Variants in RASD2 observed in about 807,000 individuals in gnomAD.
RASD2 encodes the protein RASD family member 2, also known as GTP-binding protein Rhes.
In RASD2, 7 loss-of-function variants were observed where a neutral mutation model predicts 15.8. That is an observed-to-expected ratio of 0.44 (90% CI 0.25 to 0.83). The LOEUF (loss-of-function observed/expected upper bound fraction) is 0.83, where lower values mean the gene tolerates loss of function less well. Ranked by LOEUF, RASD2 falls within the 40% of genes least tolerant of loss-of-function variation. The pLI is 0.20. For synonymous variants in RASD2, 155 were observed against 153.6 expected, an observed-to-expected ratio of 1.01 and a Z score of -0.07; for missense variants, 274 against 382.8, an observed-to-expected ratio of 0.72 and a Z score of 2.37.
At chr22:35,546,769 C>T in intron 1 of RASD2, 32 bp from the exon 2 acceptor site, 8 of 1,600,060 alleles carry the variant, frequency 5.0e-6, no homozygotes, top group Non-Finnish European at 6.0e-6. Context: ...GTCGGGGGGG[C>T]CCTGATGCCT....
intron 2 of RASD2, among the ~76,000 whole-genome samples, chr22:35,548,628 T>C (rs1601816151): frequency 6.6e-6 from 1 of 152,144 alleles, no homozygotes; most frequent in Admixed American, 6.5e-5. Context: ...GGCTGCGGGG[T>C]GGCCCCTCCT....
rs554548205 is a variant in RASD2, at chr22:35,548,506, G to T, written c.271+1426G>T. ...TTGCTGAGCAGGGATAAGGGAAGGA[G>T]TGAGCAGGCAACTCTCTAGGCATCA... is the stretch of plus-strand genomic sequence containing the variant. On this transcript the variant is annotated intron_variant, in intron 2 of 2. Coordinates refer to ENST00000216127, the MANE Select transcript of RASD2 (RefSeq NM_014310.4). Among the ~76,000 whole-genome samples, 41 of 152,318 alleles carry T rather than the reference G, an allele frequency of 2.7e-4. 1 individual carries two copies. The highest frequency in any genetic ancestry group is 2.2e-3 in the Admixed American group (33 of 15,304).
At chr22:35,534,149 A>G in the RASD2 span, among the ~76,000 whole-genome samples, 2 of 152,234 alleles carry the variant, frequency 1.3e-5, no homozygotes, top group African/African-American at 2.4e-5. Context: ...GCCTCTAACT[A>G]GTCAAGTGAC....
chr22:35,549,529 A>G (rs1224981892), intron 2 of RASD2, among the ~76,000 whole-genome samples: 7 of 152,144 alleles, frequency 4.6e-5, no homozygotes, highest in Non-Finnish European at 7.3e-5. Context: ...GGGGCCCCGG[A>G]TTAGCCTAAC....
At chr22:35,540,328 C>A (rs1281148974), upstream of RASD2, among the ~76,000 whole-genome samples, 4 of 150,932 alleles carry the variant, frequency 2.7e-5, no homozygotes, top group East Asian at 1.9e-4. Flanking sequence ...GCGCGCCCAG[C>A]GGCCCCGGCC....
At chr22:35,549,283 C>T (rs532465985) in intron 2 of RASD2, among the ~76,000 whole-genome samples, 5 of 152,272 alleles carry the variant, frequency 3.3e-5, no homozygotes, top group South Asian at 4.1e-4. Flanking sequence ...TTTTTTATGG[C>T]GCATATCATT....
At chr22:35,545,167 G>A (rs1934462539) in intron 1 of RASD2, among the ~76,000 whole-genome samples, 1 of 152,232 alleles carries the variant, frequency 6.6e-6, no homozygotes, top group South Asian at 2.1e-4. Flanking sequence ...ATTTTTGAGA[G>A]CCGGTTTCCT....
At chr22:35,540,331 C>T (rs925427658), upstream of RASD2, among the ~76,000 whole-genome samples, 2 of 150,928 alleles carry the variant, frequency 1.3e-5, no homozygotes, top group Non-Finnish European at 3.0e-5. Context: ...CGCCCAGCGG[C>T]CCCGGCCCCA....
rs1426065594 is a variant in RASD2 at position 35,551,128 on chromosome 22, G to T, written c.272-375G>T. The stretch of plus-strand genomic sequence containing the variant: ...ACTAGGCATTGAGCAAGACAGGCAG[G>T]ACCCCTGCTCTCATAGAAATGATTT... On this transcript the variant is annotated intron_variant, in intron 2 of 2. Transcript: ENST00000216127. The surrounding 1 kb of genome is among the most constrained non-coding windows in gnomAD (Gnocchi z 4.9). Among the ~76,000 whole-genome samples, 8 of 152,206 alleles carry T rather than the reference G, an allele frequency of 5.3e-5. No individual in the cohort carries two copies. Among genetic ancestry groups the T allele is most frequent in the South Asian group, 2.1e-4 (1 of 4,834 alleles).
rs1236668650 is a variant in RASD2 at position 35,551,585 on chromosome 22, G to A, written c.354G>A (p.Glu118=). 1.2e-6 allele frequency: 2 copies of A among 1,614,144 alleles called. No individual in the cohort carries two copies. The highest frequency in any genetic ancestry group is 3.3e-5 in the Admixed American group (2 of 60,026). ...EVKRLQKQIL[E]VKSCLKNKTK... ...AGCGCCTTCAGAAGCAGATCCTGGAGGTCAAGTCCTGCCTGAAGAACAAGA... is the reference window on the plus strand; with the variant it reads ...AGCGCCTTCAGAAGCAGATCCTGGAAGTCAAGTCCTGCCTGAAGAACAAGA... Residue 118 remains glutamate, a synonymous_variant, in exon 3 of 3, where the codon GAG becomes GAA. Transcript: ENST00000216127. This position sits in a 1 kb window ranked among gnomAD's most constrained non-coding sequence, Gnocchi z 4.9.
chr22:35,533,804 G>A, the RASD2 span, among the ~76,000 whole-genome samples: 11 of 145,594 alleles, frequency 7.6e-5, no homozygotes, highest in African/African-American at 2.3e-4. Context: ...TGATGACAGT[G>A]ATGATTGTGA....
chr22:35,539,005 A>G (rs1934284839), upstream of RASD2, among the ~76,000 whole-genome samples: 1 of 152,210 alleles, frequency 6.6e-6, no homozygotes, highest in South Asian at 2.1e-4. Flanking sequence ...ACATCCCCTT[A>G]GCCCCTCTGT....
upstream of RASD2, among the ~76,000 whole-genome samples, chr22:35,535,953 G>C (rs9622220): frequency 0.092 from 14,009 of 152,136 alleles, 783 homozygotes; most frequent in Admixed American, 0.16. Flanking sequence ...CAGATGCACC[G>C]GGGGCAGGGT....
chr22:35,543,012 T>G (rs1447942357), intron 1 of RASD2, among the ~76,000 whole-genome samples: 1 of 152,168 alleles, frequency 6.6e-6, no homozygotes, highest in African/African-American at 2.4e-5. Context: ...CAGTTTTGGC[T>G]GGGGGTGGGT....
rs1269670726 is a variant in RASD2, at chr22:35,552,217, C to T, written c.*185C>T. 4 of 723,076 alleles carry T rather than the reference C, an allele frequency of 5.5e-6. No individual in the cohort carries two copies. The highest frequency in any genetic ancestry group is 1.8e-5 in the African/African-American group (1 of 56,242). The allele number at this position is 723,076 out of a possible 1,614,324, so 44.8% of individuals were successfully genotyped here. On this transcript the variant is annotated 3_prime_UTR_variant, in exon 3 of 3. Transcript: ENST00000216127. ...TGCCTTCTCACAGCTTTCCTGAGTC[C>T]GCTTGTCCACAGCTCCTTGGTGGTT...
At position 35,546,996 on chromosome 22, in the gene RASD2, C is replaced by T. The variant is rs1169424758; in HGVS notation, c.187C>T (p.Arg63Cys). The change falls in exon 2 of 3, where the codon CGC becomes TGC. Residue 63 changes from arginine to cysteine, a missense_variant. By Grantham distance (180) the Arg-to-Cys change is radical. Coordinates refer to ENST00000216127, the MANE Select transcript of RASD2 (RefSeq NM_014310.4). ...EDFHRKVYNIRGDMYQLDILD... is the reference protein window; with the variant it reads ...EDFHRKVYNICGDMYQLDILD... ...CTTCCACCGTAAGGTATACAACATCCGCGGCGACATGTACCAGCTCGACAT... is the reference window on the plus strand; with the variant it reads ...CTTCCACCGTAAGGTATACAACATCTGCGGCGACATGTACCAGCTCGACAT... The T allele has an allele frequency of 3.1e-6, 5 of 1,614,130 alleles. No homozygotes were observed. The highest frequency in any genetic ancestry group is 1.1e-5 in the South Asian group (1 of 91,080).
At chr22:35,539,801 T>G (rs1040582334), upstream of RASD2, among the ~76,000 whole-genome samples, 1 of 152,182 alleles carries the variant, frequency 6.6e-6, no homozygotes, top group Non-Finnish European at 1.5e-5. Context: ...AAAAAATATA[T>G]TAAGTAATAA....
In RASD2 at chr22:35,551,771, C is replaced by T. The variant is rs373368041; in HGVS notation, c.540C>T (p.Asp180=). Residue 180 remains aspartate, a synonymous_variant, in exon 3 of 3, where the codon GAC becomes GAT. Coordinates refer to ENST00000216127, the MANE Select transcript of RASD2 (RefSeq NM_014310.4). The surrounding 1 kb of genome is among the most constrained non-coding windows in gnomAD (Gnocchi z 4.9). ...EVSAKKNTNV[D]EMFYVLFSMA... is the part of the protein sequence containing the mutation. ...CGGCCAAGAAGAACACCAACGTGGA[C>T]GAGATGTTCTACGTGCTCTTCAGCA... 38 of 1,613,928 alleles carry T rather than the reference C, an allele frequency of 2.4e-5. No individual in the cohort carries two copies. Among genetic ancestry groups the T allele is most frequent in the African/African-American group, 4.0e-5 (3 of 74,900 alleles).
At chr22:35,543,141 C>T (rs1934396346) in intron 1 of RASD2, among the ~76,000 whole-genome samples, 1 of 152,184 alleles carries the variant, frequency 6.6e-6, no homozygotes, top group African/African-American at 2.4e-5. Flanking sequence ...GCATCAGTGT[C>T]CCCATCAGTC....
Sources: gnomAD v4.1 joint callset for allele counts (sites outside exome capture counted in the v4.1 genomes callset) on GRCh38, gnomAD v4.1.1 for gene constraint, Gnocchi (gnomAD v3.1) non-coding constraint, MANE v1.5 for transcripts, NCBI Gene and HGNC (gene_info 2026-07-23, HGNC 2026-07-21) for gene names.